The following TLN1 variants were observed in gnomAD, a reference collection of about 807,000 sequenced individuals.
The protein encoded by TLN1 is talin 1.
In TLN1, 56 loss-of-function variants were observed where a neutral mutation model predicts 292.3. The observed-to-expected ratio is 0.19, with a 90% confidence interval of 0.15 to 0.24. The LOEUF (loss-of-function observed/expected upper bound fraction) is 0.24, where lower values mean the gene tolerates loss of function less well. Ranked by LOEUF, TLN1 falls within the 10% of genes least tolerant of loss-of-function variation. The pLI is 1.00. For synonymous variants in TLN1, 1,119 were observed against 1,253.7 expected (o/e 0.89, Z 2.27); for missense variants, 2,433 against 3,248.2 (o/e 0.75, Z 6.10).
chr9:35,698,028 C>G lies in TLN1; in HGVS notation c.7500+16G>C. On this transcript the variant is annotated intron_variant, in intron 56 of 56. Coordinates refer to ENST00000314888, the MANE Select transcript of TLN1 (RefSeq NM_006289.4). This position sits in a 1 kb window ranked among gnomAD's most constrained non-coding sequence, Gnocchi z 5.3. Reference sequence around the variant, plus strand: ...CCCTCCTGACAGCGTCCCTCAGCATCTGGGGTGAAGCTCACCTGGGCAATG... The same window carrying G: ...CCCTCCTGACAGCGTCCCTCAGCATGTGGGGTGAAGCTCACCTGGGCAATG... 1 of 1,614,170 alleles carries G rather than the reference C, an allele frequency of 6.2e-7. No individual in the cohort carries two copies. The highest frequency in any genetic ancestry group is 8.5e-7 in the Non-Finnish European group (1 of 1,180,010).
Position 35,713,187 on chromosome 9 carries a change from C to G in TLN1, c.3352+9G>C, listed in dbSNP as rs565590092. On this transcript the variant is annotated intron_variant, in intron 26 of 56. Transcript: ENST00000314888. ...AATATGCCCCATGCCTGGCTCTCTG[C>G]CCACATACCTGCATAATTCTCATTG... 12 of 1,589,272 alleles carry G rather than the reference C, an allele frequency of 7.6e-6. No homozygotes were observed. The South Asian group carries it at 1.3e-4, about 18-fold the overall frequency.
Position 35,713,011 on chromosome 9 carries a change from G to A in TLN1, c.3385C>T (p.Arg1129Trp), listed in dbSNP as rs773838436. 1.9e-6 allele frequency: 3 copies of A among 1,607,162 alleles called. No homozygotes were observed. The highest frequency in any genetic ancestry group is 2.5e-6 in the Non-Finnish European group (3 of 1,177,734). ...CCCCTAGCGGCCTGGGCCAGTGACCGCAGCCCACCTGCCACATCCCGAGCT... is the reference window on the plus strand; with the variant it reads ...CCCCTAGCGGCCTGGGCCAGTGACCACAGCCCACCTGCCACATCCCGAGCT... ...IAARDVAGGL[R>W]SLAQAARGVA... The change falls in exon 27 of 57, where the codon CGG (arginine) becomes TGG (tryptophan). Residue 1129 changes from arginine to tryptophan, a missense_variant. This residue lies in a region of TLN1 where 1,384 missense variants were observed against 1,699.6 expected (regional missense o/e 0.81). Transcript: ENST00000314888.
chr9:35,704,848 C>T lies in TLN1; in HGVS notation c.5734-33G>A, dbSNP rs1200391042. 4 of 1,604,074 alleles carry T rather than the reference C, an allele frequency of 2.5e-6. No individual in the cohort carries two copies. Among genetic ancestry groups the T allele is most frequent in the African/African-American group, 2.7e-5 (2 of 74,702 alleles). The stretch of plus-strand genomic sequence containing the variant: ...CCAAGGGAAAGACAGATGGATTTTA[C>T]AAGGGGCACTCAGGGTACCTTCACT... On this transcript the variant is annotated intron_variant, in intron 43 of 56. Coordinates refer to ENST00000314888, the MANE Select transcript of TLN1 (RefSeq NM_006289.4). The surrounding 1 kb of genome is among the most constrained non-coding windows in gnomAD (Gnocchi z 6.9).
Position 35,708,308 on chromosome 9 carries a change from G to A in TLN1, c.4470+33C>T, listed in dbSNP as rs752437423. 4.5e-6 allele frequency: 7 copies of A among 1,560,930 alleles called. No individual in the cohort carries two copies. In the Admixed American group the frequency reaches 1.3e-4, roughly 29 times the overall value. ...CACGGGGTCGGTCTGCCCTTTCCCA[G>A]ACTCGCCTGTGGTCCCTGTTCCCTT... On this transcript the variant is annotated intron_variant, in intron 34 of 56. Transcript: ENST00000314888.
Position 35,712,942 on chromosome 9 carries a change from G to C in TLN1, c.3454C>G (p.Leu1152Val). The C allele has an allele frequency of 6.2e-7, 1 of 1,610,256 alleles. No individual in the cohort carries two copies. The highest frequency in any genetic ancestry group is 1.1e-5 in the South Asian group (1 of 90,286). The change falls in exon 27 of 57, where the codon CTT (leucine) becomes GTT (valine). Residue 1152 changes from leucine (L) to valine (V), a missense_variant. Coordinates refer to ENST00000314888, the MANE Select transcript of TLN1 (RefSeq NM_006289.4). The stretch of plus-strand genomic sequence containing the variant: ...TCCAGCACATCACTGGCCGTATCAA[G>C]TACAATGGCCTGCACTGCAGGATCT... ...TSDPAVQAIVLDTASDVLDKA... is the reference protein window; with the variant it reads ...TSDPAVQAIVVDTASDVLDKA...
chr9:35,700,157 A>G (rs1457550363), intron 49 of TLN1, 34 bp downstream of exon 49: 2 of 1,592,256 alleles, frequency 1.3e-6, no homozygotes. Flanking sequence ...TCTGGCCCAA[A>G]GCTGCCTCAC....
intron 19 of TLN1, 134 bp from the exon 20 acceptor site, chr9:35,716,690 C>T (rs1825789457): frequency 3.2e-6 from 3 of 943,170 alleles, no homozygotes; most frequent in Non-Finnish European, 4.6e-6. Context: ...CTGGCAAAAG[C>T]TCTTGCATCA....
chr9:35,719,860 A>G lies in TLN1; in HGVS notation c.1465-7T>C, dbSNP rs1437892608. 3 of 1,579,070 alleles carry G rather than the reference A, an allele frequency of 1.9e-6. No homozygotes were observed. The highest frequency in any genetic ancestry group is 2.6e-6 in the Non-Finnish European group (3 of 1,161,778). ...GTGCCTGCTGGGCTGAAGTCTAAAG[A>G]CAAGTGGGGAGAAACAGGGACTGGA... is the stretch of plus-strand genomic sequence containing the variant. On this transcript the variant is annotated splice_polypyrimidine_tract_variant and splice_region_variant and intron_variant, in intron 13 of 56. Transcript: ENST00000314888. This position sits in a 1 kb window ranked among gnomAD's most constrained non-coding sequence, Gnocchi z 4.6.
chr9:35,727,502 C>T (rs1177770288), intron 1 of TLN1, among the ~76,000 whole-genome samples: 1 of 152,130 alleles, frequency 6.6e-6, no homozygotes, highest in Non-Finnish European at 1.5e-5. Context: ...AGAGAAGAAC[C>T]ACAGCTCTCT....
chr9:35,714,967 C>T lies in TLN1; in HGVS notation c.2755-91G>A, dbSNP rs776006784. 3.5e-5 allele frequency: 56 copies of T among 1,609,912 alleles called. No homozygotes were observed. The highest frequency in any genetic ancestry group is 1.0e-4 in the Admixed American group (6 of 60,002). On this transcript the variant is annotated intron_variant, in intron 21 of 56. Coordinates refer to ENST00000314888, the MANE Select transcript of TLN1 (RefSeq NM_006289.4). This position sits in a 1 kb window ranked among gnomAD's most constrained non-coding sequence, Gnocchi z 4.6. ...CCTTGCCCAGGTTATGCCTCAAGGA[C>T]GTATTAACTTACTCTCCGCACCTCC...
chr9:35,721,641 G>T lies in TLN1; in HGVS notation c.1104+7C>A. ...AAGCACTTTCTTGTTATAGTCCCCA[G>T]ACTTACCAGGGTGAAGCTTTTGGGA... On this transcript the variant is annotated splice_region_variant and intron_variant, in intron 10 of 56. Transcript: ENST00000314888. 1 of 1,611,190 alleles carries T rather than the reference G, an allele frequency of 6.2e-7. No individual in the cohort carries two copies. Among genetic ancestry groups the T allele is most frequent in the Non-Finnish European group, 8.5e-7 (1 of 1,177,536 alleles).
chr9:35,725,548 G>T lies in TLN1; in HGVS notation c.130+17C>A. On this transcript the variant is annotated intron_variant, in intron 2 of 56. Coordinates refer to ENST00000314888, the MANE Select transcript of TLN1 (RefSeq NM_006289.4). Reference sequence around the variant, plus strand: ...ACTGAAGACTCCCACTCCAGCCACCGGGGGAGTCAGACTCACGAGGACCAG... The same window carrying T: ...ACTGAAGACTCCCACTCCAGCCACCTGGGGAGTCAGACTCACGAGGACCAG... The T allele has an allele frequency of 1.2e-6, 2 of 1,608,742 alleles. No individual in the cohort carries two copies. The highest frequency in any genetic ancestry group is 1.7e-5 in the Admixed American group (1 of 59,924).
At position 35,704,209 on chromosome 9, in the gene TLN1, A is replaced by G. The variant is rs765845923; in HGVS notation, c.6048-35T>C. 1.3e-5 allele frequency: 20 copies of G among 1,571,458 alleles called. No homozygotes were observed. The East Asian group carries it at 4.0e-4, about 32-fold the overall frequency. On this transcript the variant is annotated intron_variant, in intron 45 of 56. Transcript: ENST00000314888. This position sits in a 1 kb window ranked among gnomAD's most constrained non-coding sequence, Gnocchi z 6.9. ...GGCCCAGCTTAGTCAGATCTCCCCT[A>G]CCCGCTCCAGCCCGTCCAAGGTGCC...
intron 33 of TLN1, among the ~76,000 whole-genome samples, chr9:35,708,696 T>C (rs1328785007): frequency 6.6e-6 from 1 of 152,230 alleles, no homozygotes. Flanking sequence ...TATTCAAGCA[T>C]TTCAGAAGAT....
chr9:35,724,780 A>G lies in TLN1; in HGVS notation c.358+50T>C, dbSNP rs1169778163. On this transcript the variant is annotated intron_variant, in intron 4 of 56. Coordinates refer to ENST00000314888, the MANE Select transcript of TLN1 (RefSeq NM_006289.4). The surrounding 1 kb of genome is among the most constrained non-coding windows in gnomAD (Gnocchi z 4.7). ...AGGTACTGCATCCATGCCTTTTGAG[A>G]GAGTTGAGGCTTTCTGGCCCAGGCT... 1.1e-5 allele frequency: 18 copies of G among 1,613,370 alleles called. No individual in the cohort carries two copies. The highest frequency in any genetic ancestry group is 1.4e-5 in the Non-Finnish European group (17 of 1,179,652).
In TLN1 at chr9:35,713,954, G is replaced by C. The variant is rs1372050591; in HGVS notation, c.3248C>G (p.Thr1083Arg). ...GAATGAGGTCTTAAACATACTTACT[G>C]TCTCCCCAGGTAAGGGTTTAAGCTT... ...DGKLKPLPGE[T>R]MEKCTQDLGN... is the part of the protein sequence containing the mutation. The change falls in exon 25 of 57, where the codon ACA becomes AGA. Residue 1083 changes from threonine to arginine, a missense_variant and splice_region_variant. Physicochemically the swap from Thr to Arg is moderately conservative, Grantham distance 71. Transcript: ENST00000314888. 2 of 1,614,150 alleles carry C rather than the reference G, an allele frequency of 1.2e-6. No individual in the cohort carries two copies. The highest frequency in any genetic ancestry group is 2.2e-5 in the East Asian group (1 of 44,890).
chr9:35,709,865 C>T (rs1246383766), intron 33 of TLN1, among the ~76,000 whole-genome samples: 1 of 107,568 alleles, frequency 9.3e-6, no homozygotes, highest in African/African-American at 3.8e-5. Flanking sequence ...CCAGCCTGGG[C>T]GACAGAGCGA....
chr9:35,704,133 G>C lies in TLN1; in HGVS notation c.6089C>G (p.Thr2030Ser), dbSNP rs747927980. 6.2e-7 allele frequency: 1 copy of C among 1,611,930 alleles called. No individual in the cohort carries two copies. The highest frequency in any genetic ancestry group is 8.5e-7 in the Non-Finnish European group (1 of 1,178,876). The change falls in exon 46 of 57, where the codon ACC becomes AGC. Residue 2030 changes from threonine to serine, a missense_variant. Transcript: ENST00000314888. The surrounding 1 kb of genome is among the most constrained non-coding windows in gnomAD (Gnocchi z 6.9). ...LKTAKVLVED[T>S]KVLVQNAAGS... Reference sequence around the variant, plus strand: ...AGCTGCGTTTTGCACCAGGACCTTGGTGTCCTCCACCAGCACCTTCGCAGT... The same window carrying C: ...AGCTGCGTTTTGCACCAGGACCTTGCTGTCCTCCACCAGCACCTTCGCAGT...
At chr9:35,703,159 G>C (rs1825495978) in intron 48 of TLN1, among the ~76,000 whole-genome samples, 1 of 152,120 alleles carries the variant, frequency 6.6e-6, no homozygotes, top group Non-Finnish European at 1.5e-5. Flanking sequence ...AAACTAGCCA[G>C]CATGGTATGC....
Sources: allele counts gnomAD v4.1 joint callset (sites outside exome capture counted in the v4.1 genomes callset), GRCh38; gene constraint gnomAD v4.1.1; regional missense constraint gnomAD v4.1.1; non-coding constraint Gnocchi (gnomAD v3.1); transcripts MANE v1.5; gene names NCBI Gene and HGNC (gene_info 2026-07-23, HGNC 2026-07-21).